PMP2: variants seen among roughly 807,000 people sequenced by gnomAD.
PMP2 encodes the protein myelin P2 protein.
A neutral mutation model predicts 15.9 loss-of-function variants in PMP2; 11 were observed. The ratio of observed to expected loss-of-function variants is 0.69; its 90% CI spans 0.44 to 1.14. The LOEUF (loss-of-function observed/expected upper bound fraction) is 1.14, where lower values mean the gene tolerates loss of function less well. PMP2 is among the 50% of genes most tolerant of loss of function. The pLI, the probability that PMP2 is intolerant of heterozygous loss-of-function variation, is 0.00. For missense variants in PMP2, 151 were observed against 154.0 expected, an observed-to-expected ratio of 0.98 and a Z score of 0.10; for synonymous variants, 55 against 54.1, an observed-to-expected ratio of 1.02 and a Z score of -0.07.
In PMP2 at chr8:81,444,803, A is replaced by G; in HGVS notation, c.246+14T>C. The G allele has an allele frequency of 6.2e-7, 1 of 1,610,892 alleles. No homozygotes were observed. The highest frequency in any genetic ancestry group is 8.5e-7 in the Non-Finnish European group (1 of 1,178,920). Reference sequence around the variant, plus strand: ...CCCACTGGGCCAACTTTGAAGAGAAACATTAAAGATTACCTTGGTCTTTCT... The same window carrying G: ...CCCACTGGGCCAACTTTGAAGAGAAGCATTAAAGATTACCTTGGTCTTTCT... On this transcript the variant is annotated intron_variant, in intron 2 of 3. Coordinates refer to ENST00000256103, the MANE Select transcript of PMP2 (RefSeq NM_002677.5).
rs1807305042 is a variant in PMP2, at chr8:81,440,403, T to C, written c.*2995A>G. Reference sequence around the variant, plus strand: ...TTGTATTATCACAAATCTCTAAAAATAACAACGCAGTTTTTAAACTCGTAT... The same window carrying C: ...TTGTATTATCACAAATCTCTAAAAACAACAACGCAGTTTTTAAACTCGTAT... On this transcript the variant is annotated 3_prime_UTR_variant, in exon 4 of 4. Coordinates refer to ENST00000256103, the MANE Select transcript of PMP2 (RefSeq NM_002677.5). 1 of 152,190 alleles carries C rather than the reference T, an allele frequency of 6.6e-6. No individual in the cohort carries two copies. Among genetic ancestry groups the C allele is most frequent in the South Asian group, 2.1e-4 (1 of 4,834 alleles). The allele number at this position is 152,190 out of a possible 1,614,324, so 9.4% of individuals were successfully genotyped here. A position where few individuals can be genotyped will look rare whatever the true frequency, so the allele number is the denominator to read the frequency against.
In PMP2 at chr8:81,444,807, T is replaced by TA; in HGVS notation, c.246+9dup. 1 of 1,611,626 alleles carries TA rather than the reference T, an allele frequency of 6.2e-7. No individual in the cohort carries two copies. The highest frequency in any genetic ancestry group is 1.7e-4 in the Middle Eastern group (1 of 6,050). Reference sequence around the variant, plus strand: ...CTGGGCCAACTTTGAAGAGAAACATTAAAGATTACCTTGGTCTTTCTATTG... The same window carrying TA: ...CTGGGCCAACTTTGAAGAGAAACATTAAAAGATTACCTTGGTCTTTCTATTG... On this transcript the variant is annotated intron_variant, in intron 2 of 3. Transcript: ENST00000256103.
chr8:81,447,152 A>G (rs1807461518), intron 1 of PMP2, among the ~76,000 whole-genome samples, 162 bp downstream of exon 1: 1 of 152,200 alleles, frequency 6.6e-6, no homozygotes. Flanking sequence ...ATAAAATTCA[A>G]ATAAATTATC....
rs951677424 is a variant in PMP2 at position 81,442,630 on chromosome 8, T to G, written c.*768A>C. 1.3e-5 allele frequency: 2 copies of G among 152,304 alleles called. No homozygotes were observed. Among genetic ancestry groups the G allele is most frequent in the Non-Finnish European group, 1.5e-5 (1 of 67,966 alleles). 9.4% of individuals were successfully genotyped at this position (152,304 alleles called of 1,614,324 possible). A position where few individuals can be genotyped will look rare whatever the true frequency, so the allele number is the denominator to read the frequency against. ...AAGGCAAACAGAAAAGAATGCATGA[T>G]GTACAATTCCCTTCATATGAGCAGG... On this transcript the variant is annotated 3_prime_UTR_variant, in exon 4 of 4. Transcript: ENST00000256103.
At chr8:81,443,605 T>C (rs983263527) in intron 3 of PMP2, among the ~76,000 whole-genome samples, 157 bp from the exon 4 acceptor site, 2 of 152,172 alleles carry the variant, frequency 1.3e-5, no homozygotes, top group African/African-American at 4.8e-5. Flanking sequence ...ATTATGACCA[T>C]TGAAATAGAA....
chr8:81,443,959 C>T (rs1807399723), intron 3 of PMP2, among the ~76,000 whole-genome samples: 1 of 151,568 alleles, frequency 6.6e-6, no homozygotes, highest in South Asian at 2.1e-4. Context: ...AACATAAAGC[C>T]TTAACCCTAA....
At chr8:81,446,615 A>G (rs1259819060) in intron 1 of PMP2, among the ~76,000 whole-genome samples, 1 of 152,230 alleles carries the variant, frequency 6.6e-6, no homozygotes, top group Non-Finnish European at 1.5e-5. Context: ...TATCGATGGG[A>G]CATACTCTAG....
In PMP2 at chr8:81,444,928, C is replaced by T. The variant is rs201891732; in HGVS notation, c.135G>A (p.Lys45=). 455 of 1,613,966 alleles carry T rather than the reference C, an allele frequency of 2.8e-4. No homozygotes were observed. Among genetic ancestry groups the T allele is most frequent in the Admixed American group, 6.7e-4 (40 of 60,026 alleles). ...TTCGTATAGTTATAATATCTCCTTT[C>T]TTGCTGATGATCACAGTGGGTTTGG... ...NLAKPTVIIS[K]KGDIITIRTE... The change falls in exon 2 of 4, where the codon AAG becomes AAA. Residue 45 remains lysine (K), a synonymous_variant. Coordinates refer to ENST00000256103, the MANE Select transcript of PMP2 (RefSeq NM_002677.5).
intron 1 of PMP2, 104 bp downstream of exon 1, chr8:81,447,210 C>G (rs1342380562): frequency 1.1e-5 from 9 of 787,082 alleles, no homozygotes; most frequent in Admixed American, 5.4e-5. Context: ...TGTACTGCAG[C>G]CTTGCAAAAC....
chr8:81,445,602 C>T (rs542834849), intron 1 of PMP2, among the ~76,000 whole-genome samples: 40 of 152,176 alleles, frequency 2.6e-4, no homozygotes, highest in Non-Finnish European at 5.7e-4. Flanking sequence ...ACATCCAATC[C>T]TATTCCCCAT....
In PMP2 at chr8:81,443,187, T is replaced by C; in HGVS notation, c.*211A>G. The C allele has an allele frequency of 2.4e-6, 1 of 425,074 alleles. No homozygotes were observed. The highest frequency in any genetic ancestry group is 4.1e-6 in the Non-Finnish European group (1 of 241,712). The allele number at this position is 425,074 out of a possible 1,614,324, so 26.3% of individuals were successfully genotyped here. On this transcript the variant is annotated 3_prime_UTR_variant, in exon 4 of 4. Transcript: ENST00000256103. ...CAACTGTTTGTGTCTGGCCAATATA[T>C]ATGCTTTGATGTAATAATGACATGC...
intron 3 of PMP2, 26 bp from the exon 4 acceptor site, chr8:81,443,474 G>C (rs377754088): frequency 6.8e-7 from 1 of 1,480,558 alleles, no homozygotes; most frequent in South Asian, 1.2e-5. Flanking sequence ...GGTTAATTGA[G>C]TATCTCAAGT....
At chr8:81,444,786 GC>G in intron 2 of PMP2, 30 bp downstream of exon 2, 1 of 1,605,360 alleles carries the variant, frequency 6.2e-7, no homozygotes, top group Non-Finnish European at 8.5e-7. Context: ...AGCCCACTGG[GC>G]CAACTTTGAA....
rs963014625 is a variant in PMP2 at position 81,442,325 on chromosome 8, C to T, written c.*1073G>A. The T allele has an allele frequency of 3.9e-5, 6 of 152,454 alleles. No homozygotes were observed. The highest frequency in any genetic ancestry group is 8.8e-5 in the Non-Finnish European group (6 of 67,940). The allele number at this position is 152,454 out of a possible 1,614,324, so 9.4% of individuals were successfully genotyped here. A position where few individuals can be genotyped will look rare whatever the true frequency, so the allele number is the denominator to read the frequency against. ...ACTTGGGCACAATGCAATGGTCCCC[C>T]GTTCCTGCCTGTCAACAATTACTGG... is the stretch of plus-strand genomic sequence containing the variant. On this transcript the variant is annotated 3_prime_UTR_variant, in exon 4 of 4. Transcript: ENST00000256103.
At chr8:81,445,398 T>C (rs914568895) in intron 1 of PMP2, among the ~76,000 whole-genome samples, 6 of 152,212 alleles carry the variant, frequency 3.9e-5, no homozygotes, top group Admixed American at 1.3e-4. Flanking sequence ...TAATTTTTTG[T>C]ATTTTTAGTA....
chr8:81,442,180 C>T lies in PMP2; in HGVS notation c.*1218G>A, dbSNP rs1372578553. On this transcript the variant is annotated 3_prime_UTR_variant, in exon 4 of 4. Coordinates refer to ENST00000256103, the MANE Select transcript of PMP2 (RefSeq NM_002677.5). ...CCATTTCCACATGGTTCTTTCTTGC[C>T]TTCCCTCATTTCATATTTGTATATT... 2 of 151,854 alleles carry T rather than the reference C, an allele frequency of 1.3e-5. No homozygotes were observed. Among genetic ancestry groups the T allele is most frequent in the Non-Finnish European group, 2.9e-5 (2 of 67,878 alleles). The allele number at this position is 151,854 out of a possible 1,614,324, so 9.4% of individuals were successfully genotyped here. A position where few individuals can be genotyped will look rare whatever the true frequency, so the allele number is the denominator to read the frequency against.
In PMP2 at chr8:81,442,740, CA is replaced by C. The variant is rs1317890613; in HGVS notation, c.*657del. The C allele has an allele frequency of 6.6e-6, 1 of 151,880 alleles. No individual in the cohort carries two copies. The highest frequency in any genetic ancestry group is 1.5e-5 in the Non-Finnish European group (1 of 67,908). 9.4% of individuals were successfully genotyped at this position (151,880 alleles called of 1,614,324 possible). A position where few individuals can be genotyped will look rare whatever the true frequency, so the allele number is the denominator to read the frequency against. On this transcript the variant is annotated 3_prime_UTR_variant, in exon 4 of 4. Transcript: ENST00000256103. Reference sequence around the variant, plus strand: ...GAAAAGGACACTGATTGGGAAGGGACAGAAAAAAATGTACTAGGATTAAGAA... The same window carrying C: ...GAAAAGGACACTGATTGGGAAGGGACGAAAAAAATGTACTAGGATTAAGAA...
rs1301667662 is a variant in PMP2 at position 81,442,368 on chromosome 8, G to T, written c.*1030C>A. 1 of 152,422 alleles carries T rather than the reference G, an allele frequency of 6.6e-6. No individual in the cohort carries two copies. Among genetic ancestry groups the T allele is most frequent in the Non-Finnish European group, 1.5e-5 (1 of 67,950 alleles). 9.4% of individuals were successfully genotyped at this position (152,422 alleles called of 1,614,324 possible). ...ATTACTGGACCTAATGATATGACTA[G>T]TTATTTATTTAAAATAAAGGGACTC... On this transcript the variant is annotated 3_prime_UTR_variant, in exon 4 of 4. Transcript: ENST00000256103.
Position 81,444,947 on chromosome 8 carries a change from G to A in PMP2, c.116C>T (p.Pro39Leu). 6.2e-7 allele frequency: 1 copy of A among 1,613,814 alleles called. No individual in the cohort carries two copies. The highest frequency in any genetic ancestry group is 2.2e-5 in the East Asian group (1 of 44,880). Reference sequence around the variant, plus strand: ...TCCTTTCTTGCTGATGATCACAGTGGGTTTGGCCAAATTTCCCAGTTTTCT... The same window carrying A: ...TCCTTTCTTGCTGATGATCACAGTGAGTTTGGCCAAATTTCCCAGTTTTCT... ...ATRKLGNLAK[P>L]TVIISKKGDI... The change falls in exon 2 of 4, where the codon CCC becomes CTC. Residue 39 changes from proline to leucine, a missense_variant. Physicochemically the swap from Pro to Leu is moderately conservative, Grantham distance 98 (BLOSUM62 -3). Transcript: ENST00000256103.
Sources: gnomAD v4.1 joint callset for allele counts (sites outside exome capture counted in the v4.1 genomes callset) on GRCh38, gnomAD v4.1.1 for gene constraint, MANE v1.5 for transcripts, NCBI Gene and HGNC (gene_info 2026-07-23, HGNC 2026-07-21) for gene names.